CUL2: variants seen among roughly 807,000 people sequenced by gnomAD.
CUL2 encodes cullin-2.
CUL2 carries 22 observed loss-of-function variants against 110.2 expected under a neutral mutation model. The observed-to-expected ratio is 0.20, with a 90% CI of 0.14 to 0.28. The LOEUF is 0.28. Ranked by LOEUF, CUL2 falls within the 10% of genes least tolerant of loss-of-function variation. The pLI is 1.00. For synonymous variants in CUL2, 279 were observed against 293.2 expected (o/e 0.95, Z 0.49); for missense variants, 631 against 905.5 (o/e 0.70, Z 3.89).
chr10:35,093,659 CAAAAAAAAAAA>C (rs58582764), upstream of CUL2, among the ~76,000 whole-genome samples: 3 of 87,814 alleles, frequency 3.4e-5, no homozygotes, highest in East Asian at 3.2e-4. Flanking sequence ...GACCTTCTCT[CAAAAAAAAAAA>C]AAAAAAAAAA....
intron 1 of CUL2, among the ~76,000 whole-genome samples, chr10:35,076,187 C>T (rs1181270076): frequency 6.6e-6 from 1 of 152,024 alleles, no homozygotes; most frequent in Non-Finnish European, 1.5e-5. Flanking sequence ...AGCCACATAA[C>T]GTATGAATCT....
At chr10:35,125,630 T>G (rs1261350421) in intron 1 of CUL2, among the ~76,000 whole-genome samples, 1 of 152,262 alleles carries the variant, frequency 6.6e-6, no homozygotes, top group Non-Finnish European at 1.5e-5. Flanking sequence ...GAAACTGGTT[T>G]TCAGTGAAAC....
chr10:35,038,929 T>C lies in CUL2; in HGVS notation c.868A>G (p.Lys290Glu). 6.3e-7 allele frequency: 1 copy of C among 1,586,010 alleles called. No individual in the cohort carries two copies. Among genetic ancestry groups the C allele is most frequent in the East Asian group, 2.3e-5 (1 of 44,408 alleles). Reference protein sequence around the residue: ...AECHNIIRQEKKNDMANMYVL... With the variant: ...AECHNIIRQEEKNDMANMYVL... ...GTTTGGTGTCACTTACCATTTTTTT[T>C]CTCTTGTCGAATTATATTATGACAT... The change falls in exon 9 of 21, where the codon AAA becomes GAA. Residue 290 changes from lysine (K) to glutamate (E), a missense_variant. Transcript: ENST00000374749.
intron 16 of CUL2, among the ~76,000 whole-genome samples, chr10:35,027,205 C>T (rs1172061285): frequency 2.0e-5 from 3 of 146,728 alleles, no homozygotes; most frequent in East Asian, 2.0e-4. Context: ...AGTGCAGTGG[C>T]GCAAACTCGG....
At chr10:35,117,198 G>A (rs2087619185) in intron 1 of CUL2, among the ~76,000 whole-genome samples, 2 of 152,304 alleles carry the variant, frequency 1.3e-5, no homozygotes, top group Admixed American at 6.5e-5. Context: ...GACACAACCA[G>A]ATACTGGTAT....
chr10:35,052,531 C>T (rs1319658506), intron 5 of CUL2, among the ~76,000 whole-genome samples: 3 of 152,062 alleles, frequency 2.0e-5, no homozygotes, highest in Admixed American at 6.6e-5. Context: ...ATAACACAGA[C>T]GGGTTCAAAA....
At chr10:35,020,292 TG>T (rs1043098480) in intron 17 of CUL2, among the ~76,000 whole-genome samples, 1 of 152,078 alleles carries the variant, frequency 6.6e-6, no homozygotes, top group Non-Finnish European at 1.5e-5. Flanking sequence ...GGAAGGGAAA[TG>T]TAACAACCAA....
upstream of CUL2, among the ~76,000 whole-genome samples, chr10:35,092,019 C>G (rs1219914059): frequency 6.6e-6 from 1 of 152,182 alleles, no homozygotes; most frequent in African/African-American, 2.4e-5. Flanking sequence ...GTGGCCTGAT[C>G]ATAGCTCACT....
intron 2 of CUL2, among the ~76,000 whole-genome samples, chr10:35,070,845 G>A (rs2086658855): frequency 6.6e-6 from 1 of 151,920 alleles, no homozygotes; most frequent in African/African-American, 2.4e-5. Context: ...TCCTTATCCT[G>A]CTTTCATTTA....
intron 19 of CUL2, 73 bp from the exon 20 acceptor site, chr10:35,012,037 T>A: frequency 1.3e-5 from 11 of 821,166 alleles, no homozygotes; most frequent in South Asian, 1.6e-5. Flanking sequence ...ATTCATTTTA[T>A]CAGTGAGTGC....
At chr10:35,018,288 C>CAAAAAAAAAA (rs11357517) in intron 17 of CUL2, among the ~76,000 whole-genome samples, 1 of 75,242 alleles carries the variant, frequency 1.3e-5, no homozygotes, top group African/African-American at 6.2e-5. Context: ...CTCCATCTCA[C>CAAAAAAAAAA]AAAAAAAAAA....
chr10:35,041,430 C>A (rs1315560584), intron 8 of CUL2, among the ~76,000 whole-genome samples: 2 of 152,132 alleles, frequency 1.3e-5, no homozygotes, highest in Non-Finnish European at 2.9e-5. Flanking sequence ...AGCAAGGAGG[C>A]AGGAAGGCTG....
At chr10:35,045,402 T>C (rs1363171728) in intron 6 of CUL2, among the ~76,000 whole-genome samples, 1 of 151,528 alleles carries the variant, frequency 6.6e-6, no homozygotes, top group Non-Finnish European at 1.5e-5. Context: ...GCCTGGGCAA[T>C]AGAGCGAGAC....
rs58779572 is a variant in CUL2 at position 35,025,202 on chromosome 10, T to TAAA, written c.1618-7_1618-5dup. Reference sequence around the variant, plus strand: ...GTTGGCTATAAAATAATTCAAACTGTAAAAAAAAAAAAAAAACACACATTA... The same window carrying TAAA: ...GTTGGCTATAAAATAATTCAAACTGTAAAAAAAAAAAAAAAAAAACACACATTA... On this transcript the variant is annotated splice_region_variant and splice_polypyrimidine_tract_variant and intron_variant, in intron 16 of 20. Coordinates refer to ENST00000374749, the MANE Select transcript of CUL2 (RefSeq NM_003591.4). 314 of 1,434,318 alleles carry TAAA rather than the reference T, an allele frequency of 2.2e-4. No homozygotes were observed. The highest frequency in any genetic ancestry group is 9.3e-4 in the South Asian group (64 of 68,782). The allele number at this position is 1,434,318 out of a possible 1,614,324, so 88.8% of individuals were successfully genotyped here.
chr10:35,060,694 C>T (rs1251361797), intron 4 of CUL2, among the ~76,000 whole-genome samples, 180 bp downstream of exon 4: 1 of 152,204 alleles, frequency 6.6e-6, no homozygotes, highest in Non-Finnish European at 1.5e-5. Context: ...TCCCTGGCTC[C>T]TAAATACCCA....
chr10:35,105,988 T>C (rs2087450554), intron 1 of CUL2, among the ~76,000 whole-genome samples: 2 of 152,116 alleles, frequency 1.3e-5, no homozygotes, highest in South Asian at 4.1e-4. Context: ...GATAAAAATT[T>C]AGAGGGTTGG....
intron 3 of CUL2, among the ~76,000 whole-genome samples, chr10:35,061,753 T>C (rs943985534): frequency 6.6e-6 from 1 of 150,386 alleles, no homozygotes; most frequent in East Asian, 2.0e-4. Context: ...CAATCAATTG[T>C]GCCTTACTTA....
At chr10:35,061,195 C>T (rs1487784703) in intron 3 of CUL2, among the ~76,000 whole-genome samples, 2 of 151,986 alleles carry the variant, frequency 1.3e-5, no homozygotes, top group South Asian at 2.1e-4. Flanking sequence ...TAAACTGAGC[C>T]GAGCGCAGTG....
intron 1 of CUL2, among the ~76,000 whole-genome samples, chr10:35,103,308 ATTTTTT>A (rs67257350): frequency 3.9e-4 from 37 of 94,572 alleles, no homozygotes; most frequent in African/African-American, 1.2e-3. Flanking sequence ...GGCCAAGCTA[ATTTTTT>A]TTTTTTTTTT....
Sources: allele counts gnomAD v4.1 joint callset (sites outside exome capture counted in the v4.1 genomes callset), GRCh38; gene constraint gnomAD v4.1.1; transcripts MANE v1.5; gene names NCBI Gene and HGNC (gene_info 2026-07-23, HGNC 2026-07-21).